Variants in RUNDC3A observed in about 807,000 individuals in gnomAD.
The protein encoded by RUNDC3A is RUN domain-containing protein 3A.
Under a neutral mutation model 53.9 loss-of-function variants are expected in RUNDC3A, and 28 were observed. The ratio of observed to expected loss-of-function variants is 0.52; its 90% confidence interval spans 0.38 to 0.71. The LOEUF is 0.71. RUNDC3A is among the 30% of genes least tolerant of loss of function. The probability of loss-of-function intolerance (pLI) is 0.00; values close to 1 mark genes in which losing one functional copy is unlikely to be tolerated. For missense variants in RUNDC3A, 491 were observed against 597.3 expected, an observed-to-expected ratio of 0.82 and a Z score of 1.85; for synonymous variants, 232 against 249.4, an observed-to-expected ratio of 0.93 and a Z score of 0.66.
chr17:44,314,185 C>T, intron 4 of RUNDC3A: 3 of 995,940 alleles, frequency 3.0e-6, no homozygotes, highest in Non-Finnish European at 3.6e-6. Context: ...TATTCACGGA[C>T]ACAGAGTCCT....
At chr17:44,317,651 T>C (rs2047895563) in intron 10 of RUNDC3A, 1 of 698,706 alleles carries the variant, frequency 1.4e-6, no homozygotes, top group South Asian at 1.5e-5. Context: ...CACACTGTAT[T>C]GGATGACCCT....
Position 44,316,452 on chromosome 17 carries a change from G to A in RUNDC3A, c.1021G>A (p.Val341Ile). 6.2e-7 allele frequency: 1 copy of A among 1,613,768 alleles called. No homozygotes were observed. The highest frequency in any genetic ancestry group is 8.5e-7 in the Non-Finnish European group (1 of 1,179,864). ...QGSKELTTPLVNQWPSLGTLN... is the reference protein window; with the variant it reads ...QGSKELTTPLINQWPSLGTLN... ...TTCCAAGGAGCTCACTACACCCCTG[G>A]TCAATCAATGGCCCTCACTGGGAAC... The change falls in exon 9 of 11, where the codon GTC becomes ATC. Residue 341 changes from valine to isoleucine, a missense_variant. Physicochemically the swap from Val to Ile is conservative, Grantham distance 29. Around this residue, in one of 2 missense-constraint regions of RUNDC3A, gnomAD observed 218 missense variants for 208.2 expected, o/e 1.05. Transcript: ENST00000426726.
chr17:44,314,683 G>A (rs1003846824), intron 4 of RUNDC3A, 52 bp from the exon 5 acceptor site: 4 of 1,254,478 alleles, frequency 3.2e-6, no homozygotes, highest in South Asian at 1.4e-5. Flanking sequence ...CTGGGGGGGG[G>A]GGGGGCGCTC....
chr17:44,315,373 G>A lies in RUNDC3A; in HGVS notation c.795+53G>A. On this transcript the variant is annotated intron_variant, in intron 7 of 10. Coordinates refer to ENST00000426726, the MANE Select transcript of RUNDC3A (RefSeq NM_001144825.2). The surrounding 1 kb of genome is among the most constrained non-coding windows in gnomAD (Gnocchi z 6.1). ...CGGGCGGGCCGGGCGGGGGATCCGGGCATCCCGGGGCGGGGCGGGGATGGG... is the reference window on the plus strand; with the variant it reads ...CGGGCGGGCCGGGCGGGGGATCCGGACATCCCGGGGCGGGGCGGGGATGGG... The A allele has an allele frequency of 8.5e-7, 1 of 1,171,220 alleles. No individual in the cohort carries two copies. Among genetic ancestry groups the A allele is most frequent in the Non-Finnish European group, 1.1e-6 (1 of 926,644 alleles). 72.6% of individuals were successfully genotyped at this position (1,171,220 alleles called of 1,614,324 possible).
rs1567859329 is a variant in RUNDC3A, at chr17:44,318,112, C to T, written c.1215C>T (p.Pro405=). The change falls in exon 11 of 11, where the codon CCC becomes CCT. Residue 405 remains proline (P), a synonymous_variant. Transcript: ENST00000426726. Reference sequence around the variant, plus strand: ...TCTCCCCAGGGAAGGACCCCACGCCCTCCATGCTGGGCCTCTGCGGCTCCC... The same window carrying T: ...TCTCCCCAGGGAAGGACCCCACGCCTTCCATGCTGGGCCTCTGCGGCTCCC... ...PWGPIGKDPT[P]SMLGLCGSLA... 2 of 1,551,326 alleles carry T rather than the reference C, an allele frequency of 1.3e-6. No individual in the cohort carries two copies. The highest frequency in any genetic ancestry group is 1.7e-6 in the Non-Finnish European group (2 of 1,146,864).
Position 44,308,956 on chromosome 17 carries a change from G to T in RUNDC3A, c.107+17G>T, listed in dbSNP as rs965797515. Reference sequence around the variant, plus strand: ...CGTGTGCAGGTGGGCACCGCTAGTGGGCGGGGGCTGGGGTGGTGAGGGAGA... The same window carrying T: ...CGTGTGCAGGTGGGCACCGCTAGTGTGCGGGGGCTGGGGTGGTGAGGGAGA... On this transcript the variant is annotated intron_variant, in intron 1 of 10. Transcript: ENST00000426726. The T allele has an allele frequency of 1.3e-6, 2 of 1,566,490 alleles. No individual in the cohort carries two copies. Among genetic ancestry groups the T allele is most frequent in the East Asian group, 2.3e-5 (1 of 43,700 alleles).
chr17:44,316,755 C>T (rs1199542824), intron 10 of RUNDC3A, 30 bp downstream of exon 10: 13 of 1,484,732 alleles, frequency 8.8e-6, no homozygotes, highest in African/African-American at 1.4e-5. Context: ...CACCCAGTAC[C>T]CCTCCAGAAA....
intron 4 of RUNDC3A, chr17:44,313,997 A>T (rs940844321): frequency 1.0e-6 from 1 of 991,032 alleles, no homozygotes; most frequent in Non-Finnish European, 1.2e-6. Flanking sequence ...CACCACCACC[A>T]CCACCACTTG....
chr17:44,317,756 A>G, intron 10 of RUNDC3A: 1 of 607,622 alleles, frequency 1.6e-6, no homozygotes, highest in Non-Finnish European at 2.9e-6. Flanking sequence ...CCAGACTGTG[A>G]GCTCCATGAG....
At chr17:44,316,069 G>A (rs1567856816) in intron 8 of RUNDC3A, among the ~76,000 whole-genome samples, 2 of 151,752 alleles carry the variant, frequency 1.3e-5, no homozygotes, top group East Asian at 1.9e-4. Flanking sequence ...CTGATCTTGC[G>A]GCAAGATCCC....
intron 10 of RUNDC3A, chr17:44,317,374 C>T (rs879055210): frequency 6.6e-6 from 5 of 755,298 alleles, no homozygotes; most frequent in South Asian, 1.4e-5. Context: ...TCATGACATC[C>T]TCGGGGGCTC....
At chr17:44,317,458 T>C (rs997213947) in intron 10 of RUNDC3A, 2 of 780,758 alleles carry the variant, frequency 2.6e-6, no homozygotes, top group Non-Finnish European at 4.8e-6. Flanking sequence ...GCCTGACCAT[T>C]GTTTCCCCCT....
rs2047870392 is a variant in RUNDC3A at position 44,316,671 on chromosome 17, G to A, written c.1144G>A (p.Asp382Asn). 2 of 1,550,528 alleles carry A rather than the reference G, an allele frequency of 1.3e-6. No individual in the cohort carries two copies. Among genetic ancestry groups the A allele is most frequent in the Non-Finnish European group, 1.7e-6 (2 of 1,146,958 alleles). The change falls in exon 10 of 11, where the codon GAC becomes AAC. Residue 382 changes from aspartate (D) to asparagine (N), a missense_variant. Around this residue, in one of 2 missense-constraint regions of RUNDC3A, gnomAD observed 218 missense variants for 208.2 expected, o/e 1.05. Coordinates refer to ENST00000426726, the MANE Select transcript of RUNDC3A (RefSeq NM_001144825.2). ...PLSAEASLSS[D>N]SQRLGEGTRD... is the part of the protein sequence containing the mutation. The stretch of plus-strand genomic sequence containing the variant: ...GTCAGCTGAAGCCAGTCTGAGCTCG[G>A]ACTCCCAGCGCCTGGGAGAGGGCAC...
chr17:44,317,809 T>C, intron 10 of RUNDC3A: 1 of 595,580 alleles, frequency 1.7e-6, no homozygotes, highest in South Asian at 2.0e-5. Flanking sequence ...CCCCAGTGCT[T>C]GGAACAGAGC....
At chr17:44,316,302 A>C (rs1598330712) in intron 8 of RUNDC3A, 83 bp from the exon 9 acceptor site, 7 of 1,290,192 alleles carry the variant, frequency 5.4e-6, no homozygotes, top group Non-Finnish European at 6.6e-6. Flanking sequence ...TTCATTCCTG[A>C]CCCCTCCCTC....
Position 44,318,369 on chromosome 17 carries a change from GGAA to G in RUNDC3A, c.*134_*136del. On this transcript the variant is annotated 3_prime_UTR_variant, in exon 11 of 11. Transcript: ENST00000426726. The stretch of plus-strand genomic sequence containing the variant: ...ACCCACCCAGCCAGGGTTCTCTCGG[GGAA>G]GATCTCGTCTGCTCACCTTAGCTTT... The G allele has an allele frequency of 9.5e-7, 1 of 1,049,706 alleles. No individual in the cohort carries two copies. The highest frequency in any genetic ancestry group is 1.4e-6 in the Non-Finnish European group (1 of 728,652). 65.0% of individuals were successfully genotyped at this position (1,049,706 alleles called of 1,614,324 possible). A position where few individuals can be genotyped will look rare whatever the true frequency, so the allele number is the denominator to read the frequency against.
chr17:44,314,201 G>T, intron 4 of RUNDC3A: 1 of 998,592 alleles, frequency 1.0e-6, no homozygotes. Flanking sequence ...GTCCTTATAT[G>T]GGGAGTTCAA....
chr17:44,315,625 GCCCTAAC>G lies in RUNDC3A; in HGVS notation c.953+21_953+27del. The G allele has an allele frequency of 7.0e-7, 1 of 1,435,196 alleles. No individual in the cohort carries two copies. Among genetic ancestry groups the G allele is most frequent in the Non-Finnish European group, 9.2e-7 (1 of 1,085,730 alleles). 88.9% of individuals were successfully genotyped at this position (1,435,196 alleles called of 1,614,324 possible). Reference sequence around the variant, plus strand: ...AGGAGCAGCTGTGAGCGCACGGCCTGCCCTAACCCCTGACCCCCGCCGCCCCGACCAC... The same window carrying G: ...AGGAGCAGCTGTGAGCGCACGGCCTGCCCTGACCCCCGCCGCCCCGACCAC... On this transcript the variant is annotated intron_variant, in intron 8 of 10. Transcript: ENST00000426726. The surrounding 1 kb of genome is among the most constrained non-coding windows in gnomAD (Gnocchi z 6.1).
intron 4 of RUNDC3A, chr17:44,313,948 G>T (rs1415065526): frequency 2.2e-5 from 22 of 992,470 alleles, no homozygotes; most frequent in African/African-American, 5.2e-5. Flanking sequence ...GGGATTACAG[G>T]CATGAGCCAC....
Sources: allele counts gnomAD v4.1 joint callset (sites outside exome capture counted in the v4.1 genomes callset), GRCh38; gene constraint gnomAD v4.1.1; regional missense constraint gnomAD v4.1.1; non-coding constraint Gnocchi (gnomAD v3.1); transcripts MANE v1.5; gene names NCBI Gene and HGNC (gene_info 2026-07-23, HGNC 2026-07-21).